PIBF1: variants seen among roughly 807,000 people sequenced by gnomAD.
PIBF1 encodes progesterone-induced-blocking factor 1.
Under a neutral mutation model 112.5 loss-of-function variants are expected in PIBF1, and 90 were observed. The observed-to-expected ratio is 0.80, with a 90% confidence interval of 0.67 to 0.95. PIBF1 has a LOEUF of 0.95. Ranked by LOEUF, PIBF1 falls within the 40% of genes least tolerant of loss-of-function variation. PIBF1 has a pLI of 0.00. For missense variants in PIBF1, 915 were observed against 852.3 expected (o/e 1.07, Z -0.92); for synonymous variants, 301 against 288.6 (o/e 1.04, Z -0.44).
At chr13:72,880,140 A>G (rs1000791083) in intron 10 of PIBF1, among the ~76,000 whole-genome samples, 1 of 152,220 alleles carries the variant, frequency 6.6e-6, no homozygotes, top group African/African-American at 2.4e-5. Flanking sequence ...ATCAGCATGC[A>G]TATCTTTCCC....
At chr13:72,909,898 A>G (rs571186776) in intron 12 of PIBF1, among the ~76,000 whole-genome samples, 2 of 152,108 alleles carry the variant, frequency 1.3e-5, no homozygotes, top group South Asian at 4.2e-4. Flanking sequence ...CCCTCTTGTT[A>G]TCTTCCTGTC....
intron 16 of PIBF1, among the ~76,000 whole-genome samples, chr13:72,997,345 TA>T (rs1258189696): frequency 6.6e-6 from 1 of 152,168 alleles, no homozygotes; most frequent in Non-Finnish European, 1.5e-5. Context: ...GTGGAGCATA[TA>T]AATGAAACAA....
intron 12 of PIBF1, among the ~76,000 whole-genome samples, chr13:72,910,865 A>G (rs951669773): frequency 1.3e-5 from 2 of 152,222 alleles, no homozygotes; most frequent in Admixed American, 6.5e-5. Flanking sequence ...CCTACAGATC[A>G]TTGCTAAGAG....
chr13:72,797,529 C>T (rs2035253716), intron 4 of PIBF1, among the ~76,000 whole-genome samples: 1 of 152,094 alleles, frequency 6.6e-6, no homozygotes. Context: ...AGGCATGAGC[C>T]ATGCATTTAT....
At chr13:72,928,006 C>CAT (rs34525341) in intron 13 of PIBF1, among the ~76,000 whole-genome samples, 26,606 of 97,894 alleles carry the variant, frequency 0.27, 4,150 homozygotes, top group Non-Finnish European at 0.33. Context: ...CATATATATA[C>CAT]ATATATATAC....
chr13:72,971,092 A>T (rs1407410098), intron 15 of PIBF1, among the ~76,000 whole-genome samples: 1 of 152,136 alleles, frequency 6.6e-6, no homozygotes, highest in Non-Finnish European at 1.5e-5. Context: ...GTGAAGAATT[A>T]TCCAGTCAAA....
intron 15 of PIBF1, among the ~76,000 whole-genome samples, chr13:72,972,322 G>A (rs2042916919): frequency 6.6e-6 from 1 of 152,008 alleles, no homozygotes; most frequent in African/African-American, 2.4e-5. Flanking sequence ...ATGAGCCAGT[G>A]TGCCCTGCCT....
At chr13:72,895,263 A>T (rs2040236596) in intron 11 of PIBF1, among the ~76,000 whole-genome samples, 1 of 150,612 alleles carries the variant, frequency 6.6e-6, no homozygotes, top group Non-Finnish European at 1.5e-5. Flanking sequence ...CATAAATTTT[A>T]AAATTCATAA....
At chr13:72,926,481 A>G (rs1014849907) in intron 13 of PIBF1, among the ~76,000 whole-genome samples, 3 of 152,220 alleles carry the variant, frequency 2.0e-5, no homozygotes, top group Admixed American at 6.5e-5. Context: ...GATTATGATC[A>G]TAACCTTCTA....
chr13:72,917,565 A>T (rs1434532685), intron 13 of PIBF1, among the ~76,000 whole-genome samples: 1 of 152,018 alleles, frequency 6.6e-6, no homozygotes, highest in Non-Finnish European at 1.5e-5. Context: ...ATTTGGAATT[A>T]ATGCATATAT....
At chr13:72,887,899 C>A (rs575903799) in intron 10 of PIBF1, among the ~76,000 whole-genome samples, 1 of 152,120 alleles carries the variant, frequency 6.6e-6, no homozygotes, top group African/African-American at 2.4e-5. Flanking sequence ...AAAAGAAACA[C>A]ATCAGAATAT....
intron 9 of PIBF1, among the ~76,000 whole-genome samples, chr13:72,848,082 G>A (rs1361771455): frequency 6.6e-6 from 1 of 152,174 alleles, no homozygotes; most frequent in African/African-American, 2.4e-5. Flanking sequence ...AGTTGCGCCT[G>A]CTGAGCTCTT....
intron 15 of PIBF1, among the ~76,000 whole-genome samples, chr13:72,966,222 CA>C (rs1328658722): frequency 5.3e-5 from 8 of 152,022 alleles, no homozygotes; most frequent in African/African-American, 1.9e-4. Context: ...AGTATGCAAA[CA>C]AAAATATAAA....
chr13:72,870,023 G>A (rs2039096942), intron 10 of PIBF1, among the ~76,000 whole-genome samples: 1 of 151,950 alleles, frequency 6.6e-6, no homozygotes, highest in Non-Finnish European at 1.5e-5. Flanking sequence ...GCACTTTTAT[G>A]AATTTTTAAT....
chr13:72,853,837 C>T (rs928279077), intron 9 of PIBF1, among the ~76,000 whole-genome samples: 2 of 152,060 alleles, frequency 1.3e-5, no homozygotes, highest in African/African-American at 2.4e-5. Context: ...TTGACCCATG[C>T]GGAGAAGGGT....
chr13:72,790,820 T>C (rs945945028), intron 2 of PIBF1, among the ~76,000 whole-genome samples: 3 of 152,188 alleles, frequency 2.0e-5, no homozygotes, highest in Non-Finnish European at 2.9e-5. Flanking sequence ...TTATGGACTT[T>C]AACAAGAATA....
chr13:72,981,014 G>A (rs1284136563), intron 16 of PIBF1, among the ~76,000 whole-genome samples: 1 of 151,932 alleles, frequency 6.6e-6, no homozygotes, highest in African/African-American at 2.4e-5. Flanking sequence ...GGAGGCGGAA[G>A]TGGGTGGATC....
At chr13:72,853,101 G>C (rs1278043554) in intron 9 of PIBF1, among the ~76,000 whole-genome samples, 1 of 151,456 alleles carries the variant, frequency 6.6e-6, no homozygotes, top group Admixed American at 6.6e-5. Flanking sequence ...ACTTACTGTT[G>C]GTATTTTTTT....
chr13:72,867,586 A>G (rs2038980811), intron 10 of PIBF1, among the ~76,000 whole-genome samples: 2 of 152,186 alleles, frequency 1.3e-5, no homozygotes, highest in South Asian at 2.1e-4. Flanking sequence ...AAACTTCACT[A>G]TTACAATGAG....
Sources: allele counts gnomAD v4.1 joint callset (sites outside exome capture counted in the v4.1 genomes callset), GRCh38; gene constraint gnomAD v4.1.1; transcripts MANE v1.5; gene names NCBI Gene and HGNC (gene_info 2026-07-23, HGNC 2026-07-21).